The following SLC24A4 variants were observed in gnomAD, a reference collection of about 807,000 sequenced individuals.
The protein encoded by SLC24A4 is solute carrier family 24 member 4.
SLC24A4 carries 53 observed loss-of-function variants against 79.0 expected under a neutral mutation model. The ratio of observed to expected loss-of-function variants is 0.67; its 90% CI spans 0.54 to 0.84. The LOEUF is 0.84. SLC24A4 is among the 40% of genes least tolerant of loss of function. SLC24A4 has a pLI of 0.00. For synonymous variants in SLC24A4, 323 were observed against 323.8 expected (o/e 1.00, Z 0.03); for missense variants, 731 against 822.0 (o/e 0.89, Z 1.35).
At chr14:92,479,140 G>A (rs930729375) in intron 12 of SLC24A4, among the ~76,000 whole-genome samples, 1 of 152,238 alleles carries the variant, frequency 6.6e-6, no homozygotes, top group East Asian at 1.9e-4. Context: ...TACAAATAGG[G>A]ATAGTTTTAC....
chr14:92,382,315 C>CAGAG (rs1171591595), intron 2 of SLC24A4, among the ~76,000 whole-genome samples: 2 of 152,168 alleles, frequency 1.3e-5, no homozygotes, highest in African/African-American at 4.8e-5. Flanking sequence ...TCAGAACAGC[C>CAGAG]TTGCTCCACA....
intron 16 of SLC24A4, among the ~76,000 whole-genome samples, chr14:92,493,153 G>T (rs765472991): frequency 6.6e-6 from 1 of 152,086 alleles, no homozygotes; most frequent in Non-Finnish European, 1.5e-5. Flanking sequence ...TCTAGAGAAG[G>T]CCTGGGCAAG....
intron 12 of SLC24A4, among the ~76,000 whole-genome samples, chr14:92,477,234 A>G (rs757897181): frequency 7.9e-5 from 12 of 152,186 alleles, no homozygotes; most frequent in Non-Finnish European, 1.8e-4. Flanking sequence ...TGTGGCTGTG[A>G]AATCGCCTTG....
At chr14:92,460,930 A>G (rs1459805823) in intron 12 of SLC24A4, among the ~76,000 whole-genome samples, 1 of 152,138 alleles carries the variant, frequency 6.6e-6, no homozygotes, top group Non-Finnish European at 1.5e-5. Context: ...CACCCAATAC[A>G]GGCAAACTCT....
chr14:92,394,204 A>G (rs1298428787), intron 2 of SLC24A4, among the ~76,000 whole-genome samples: 1 of 151,872 alleles, frequency 6.6e-6, no homozygotes, highest in East Asian at 1.9e-4. Flanking sequence ...TTTTATTCTC[A>G]CAGTTTTGTT....
At chr14:92,453,700 G>A (rs949094554) in intron 10 of SLC24A4, 200 bp from the exon 11 acceptor site, 73 of 532,386 alleles carry the variant, frequency 1.4e-4, no homozygotes, top group Non-Finnish European at 1.6e-4. Flanking sequence ...TCACACACTA[G>A]GTCAGCAGGT....
At chr14:92,373,709 C>G (rs1189675799) in intron 2 of SLC24A4, among the ~76,000 whole-genome samples, 3 of 152,208 alleles carry the variant, frequency 2.0e-5, no homozygotes, top group African/African-American at 4.8e-5. Context: ...TCAGACTTTT[C>G]TAATGAGAAA....
intron 2 of SLC24A4, among the ~76,000 whole-genome samples, chr14:92,377,850 C>G (rs1039600811): frequency 3.3e-5 from 5 of 151,654 alleles, no homozygotes; most frequent in Non-Finnish European, 1.5e-5. Flanking sequence ...AGGCAGGACT[C>G]GGTGACTGGT....
intron 2 of SLC24A4, among the ~76,000 whole-genome samples, chr14:92,422,057 A>T (rs1355823806): frequency 1.3e-5 from 2 of 152,134 alleles, no homozygotes; most frequent in East Asian, 1.9e-4. Flanking sequence ...TTATGATAAA[A>T]TTTTTTCCAC....
intron 2 of SLC24A4, among the ~76,000 whole-genome samples, chr14:92,335,992 C>T (rs796436786): frequency 3.0e-4 from 45 of 152,250 alleles, no homozygotes; most frequent in African/African-American, 1.0e-3. Flanking sequence ...TGTTTGCAAT[C>T]GGAAGTTTTT....
At chr14:92,414,954 C>T (rs1344266389) in intron 2 of SLC24A4, among the ~76,000 whole-genome samples, 1 of 152,162 alleles carries the variant, frequency 6.6e-6, no homozygotes, top group Non-Finnish European at 1.5e-5. Flanking sequence ...GGAATTGTGT[C>T]GCTGTGAGGC....
chr14:92,443,340 A>C (rs1892607893), intron 6 of SLC24A4, 60 bp from the exon 7 acceptor site: 2 of 1,537,080 alleles, frequency 1.3e-6, no homozygotes, highest in South Asian at 2.3e-5. Flanking sequence ...AGGCCTGGGC[A>C]GCTGCACCCC....
At chr14:92,342,479 G>A (rs992652832) in intron 2 of SLC24A4, among the ~76,000 whole-genome samples, 1 of 151,992 alleles carries the variant, frequency 6.6e-6, no homozygotes, top group Non-Finnish European at 1.5e-5. Flanking sequence ...TGCCTCCCGG[G>A]TTCAAGTGAT....
chr14:92,422,378 T>C (rs1217556316), intron 2 of SLC24A4, among the ~76,000 whole-genome samples: 2 of 152,230 alleles, frequency 1.3e-5, no homozygotes, highest in Non-Finnish European at 2.9e-5. Context: ...TGAGAAACTG[T>C]TATGTCAAAG....
At chr14:92,333,122 C>CT (rs1555359199) in intron 2 of SLC24A4, among the ~76,000 whole-genome samples, 2 of 152,118 alleles carry the variant, frequency 1.3e-5, no homozygotes, top group Non-Finnish European at 2.9e-5. Context: ...TGGACAGAGT[C>CT]TCACCCCCTC....
At chr14:92,434,030 T>C (rs766777294) in intron 3 of SLC24A4, 42 bp downstream of exon 3, 60 of 1,503,048 alleles carry the variant, frequency 4.0e-5, no homozygotes, top group Non-Finnish European at 5.4e-5. Flanking sequence ...TTCTGGCACA[T>C]GAAGCCTCTC....
intron 12 of SLC24A4, among the ~76,000 whole-genome samples, chr14:92,470,346 G>A (rs8008388): frequency 0.7 from 105,540 of 151,722 alleles, 38,002 homozygotes; most frequent in Non-Finnish European, 0.79. Context: ...AATCTACTCT[G>A]CATCATCCAG....
intron 16 of SLC24A4, chr14:92,492,682 T>C (rs1895750917): frequency 2.7e-6 from 1 of 372,112 alleles, no homozygotes; most frequent in Non-Finnish European, 5.3e-6. Context: ...AACCACCTGA[T>C]GAGGGAGGTG....
At chr14:92,437,628 C>T (rs61646308) in intron 3 of SLC24A4, among the ~76,000 whole-genome samples, 2,179 of 152,284 alleles carry the variant, frequency 0.014, 52 homozygotes, top group African/African-American at 0.048. Context: ...ACTCCATGAA[C>T]CTCTGAATGT....
Sources: allele counts gnomAD v4.1 joint callset (sites outside exome capture counted in the v4.1 genomes callset), GRCh38; gene constraint gnomAD v4.1.1; transcripts MANE v1.5; gene names NCBI Gene and HGNC (gene_info 2026-07-23, HGNC 2026-07-21).